The following NSMCE1 variants were observed in gnomAD, a reference collection of about 807,000 sequenced individuals.
NSMCE1 encodes the protein NSE1 component of SMC5/6 complex, also known as non-structural maintenance of chromosomes element 1 homolog.
NSMCE1 carries 18 observed loss-of-function variants against 29.6 expected under a neutral mutation model. That is an observed-to-expected ratio of 0.61 (90% CI 0.42 to 0.90). The LOEUF is 0.90. NSMCE1 is among the 40% of genes least tolerant of loss of function. NSMCE1 has a pLI of 0.00. For synonymous variants in NSMCE1, 124 were observed against 133.4 expected, an observed-to-expected ratio of 0.93 and a Z score of 0.49; for missense variants, 314 against 343.6, an observed-to-expected ratio of 0.91 and a Z score of 0.68.
intron 5 of NSMCE1, among the ~76,000 whole-genome samples, chr16:27,228,035 T>G (rs903269941): frequency 2.0e-5 from 3 of 152,078 alleles, no homozygotes; most frequent in African/African-American, 7.2e-5. Flanking sequence ...TCCGCCCACC[T>G]CGGCCTTCCA....
At chr16:27,239,012 G>A (rs1432559901) in intron 2 of NSMCE1, among the ~76,000 whole-genome samples, 1 of 151,978 alleles carries the variant, frequency 6.6e-6, no homozygotes, top group East Asian at 1.9e-4. Flanking sequence ...TGGGACTACA[G>A]GTGTTTCACC....
chr16:27,258,185 T>C (rs1053619299), intron 1 of NSMCE1: 2 of 152,244 alleles, frequency 1.3e-5, no homozygotes, highest in South Asian at 4.1e-4. Flanking sequence ...ACAACTATCA[T>C]GGCAGGACTT....
intron 1 of NSMCE1, among the ~76,000 whole-genome samples, chr16:27,260,034 A>G (rs952382877): frequency 1.3e-5 from 2 of 152,234 alleles, no homozygotes; most frequent in Non-Finnish European, 2.9e-5. Context: ...TAGTTCAGGA[A>G]GAAAGAAAGG....
At chr16:27,238,726 G>T (rs1436745320) in intron 2 of NSMCE1, among the ~76,000 whole-genome samples, 1 of 152,046 alleles carries the variant, frequency 6.6e-6, no homozygotes, top group East Asian at 1.9e-4. Context: ...GGGACAAAAG[G>T]AAGCTTGGAG....
chr16:27,251,319 C>T (rs1161493286), intron 2 of NSMCE1, among the ~76,000 whole-genome samples: 1 of 151,398 alleles, frequency 6.6e-6, no homozygotes, highest in African/African-American at 2.4e-5. Context: ...TGCTACATCA[C>T]ACCAGGGCAA....
chr16:27,249,518 T>C (rs1437231735), intron 2 of NSMCE1, among the ~76,000 whole-genome samples: 1 of 152,254 alleles, frequency 6.6e-6, no homozygotes, highest in Non-Finnish European at 1.5e-5. Flanking sequence ...CCAGCACTCA[T>C]TTTGGAAAAG....
chr16:27,233,969 C>T (rs1339687335), intron 4 of NSMCE1: 4 of 542,356 alleles, frequency 7.4e-6, no homozygotes, highest in South Asian at 2.3e-5. Flanking sequence ...ACACCTGGCC[C>T]AGCACTTCCT....
chr16:27,251,235 C>T (rs1315559895), intron 2 of NSMCE1, among the ~76,000 whole-genome samples: 2 of 138,104 alleles, frequency 1.4e-5, no homozygotes, highest in Non-Finnish European at 3.1e-5. Context: ...AGACTCCTCA[C>T]TTGTGTTCTA....
At chr16:27,254,647 G>A (rs1162707772) in intron 2 of NSMCE1, among the ~76,000 whole-genome samples, 1 of 151,466 alleles carries the variant, frequency 6.6e-6, no homozygotes, top group Non-Finnish European at 1.5e-5. Flanking sequence ...GTGCAGTGGT[G>A]CAACCTCAGC....
At chr16:27,266,539 C>T (rs1337488072) in intron 1 of NSMCE1, 1 of 152,060 alleles carries the variant, frequency 6.6e-6, no homozygotes, top group African/African-American at 2.4e-5. Flanking sequence ...ATCGCTTGAA[C>T]CCAGGAGGTG....
intron 1 of NSMCE1, among the ~76,000 whole-genome samples, chr16:27,267,734 AT>A (rs111284469): frequency 0.013 from 1,865 of 147,792 alleles, 25 homozygotes; most frequent in African/African-American, 0.041. Context: ...AAATATATGC[AT>A]TTTTTTTTTT....
In NSMCE1 at chr16:27,225,359, A is replaced by G. The variant is rs1273098025; in HGVS notation, c.722-123T>C. 1.8e-5 allele frequency: 12 copies of G among 675,386 alleles called. No homozygotes were observed. The East Asian group carries it at 2.7e-4, about 15-fold the overall frequency. The allele number at this position is 675,386 out of a possible 1,614,324, so 41.8% of individuals were successfully genotyped here. The stretch of plus-strand genomic sequence containing the variant: ...CTGTCCTAGGTCTACACCATCCTTC[A>G]CTGCTAACCCTCCCCAGCCCGTGAG... On this transcript the variant is annotated intron_variant, in intron 7 of 7. Transcript: ENST00000361439.
At chr16:27,235,593 A>G (rs947565679) in intron 2 of NSMCE1, among the ~76,000 whole-genome samples, 4 of 152,126 alleles carry the variant, frequency 2.6e-5, no homozygotes, top group African/African-American at 9.7e-5. Context: ...CTGCCTCCTG[A>G]TGAGAGTCCC....
chr16:27,243,291 G>A (rs1301249018), intron 2 of NSMCE1, among the ~76,000 whole-genome samples: 1 of 152,226 alleles, frequency 6.6e-6, no homozygotes, highest in East Asian at 1.9e-4. Context: ...CCGCTGTCAT[G>A]AGACACAGTG....
At chr16:27,258,357 C>G (rs2084109876) in intron 1 of NSMCE1, among the ~76,000 whole-genome samples, 1 of 152,244 alleles carries the variant, frequency 6.6e-6, no homozygotes, top group Non-Finnish European at 1.5e-5. Flanking sequence ...TGGAACTAAA[C>G]AGGAAGCACT....
At chr16:27,237,817 G>T (rs1280566499) in intron 2 of NSMCE1, among the ~76,000 whole-genome samples, 1 of 152,118 alleles carries the variant, frequency 6.6e-6, no homozygotes, top group Non-Finnish European at 1.5e-5. Context: ...CTCTGGTTTG[G>T]CGTCCAGCCT....
intron 5 of NSMCE1, among the ~76,000 whole-genome samples, chr16:27,229,445 G>A (rs2083740234): frequency 6.6e-6 from 1 of 152,270 alleles, no homozygotes; most frequent in Non-Finnish European, 1.5e-5. Flanking sequence ...AGCACCTGCT[G>A]TGGGGCCCAG....
intron 2 of NSMCE1, among the ~76,000 whole-genome samples, chr16:27,244,438 T>C (rs755889105): frequency 6.6e-6 from 1 of 152,190 alleles, no homozygotes; most frequent in Non-Finnish European, 1.5e-5. Context: ...CACATGCAGC[T>C]GAGTGGAGCC....
chr16:27,250,534 G>A (rs2084014447), intron 2 of NSMCE1, among the ~76,000 whole-genome samples: 3 of 150,668 alleles, frequency 2.0e-5, no homozygotes, highest in Admixed American at 1.3e-4. Flanking sequence ...GCTCATGCCT[G>A]TAATCCCAGC....
Sources: gnomAD v4.1 joint callset for allele counts (sites outside exome capture counted in the v4.1 genomes callset) on GRCh38, gnomAD v4.1.1 for gene constraint, MANE v1.5 for transcripts, NCBI Gene and HGNC (gene_info 2026-07-23, HGNC 2026-07-21) for gene names.